Variants in VWA3A observed in about 807,000 individuals in gnomAD.
VWA3A encodes von Willebrand factor A domain-containing protein 3A.
In VWA3A, 134 loss-of-function variants were observed where a neutral mutation model predicts 160.4. The observed-to-expected ratio is 0.84, with a 90% CI of 0.73 to 0.96. VWA3A has a LOEUF of 0.96. Among genes scored for constraint, VWA3A ranks in the 40% least tolerant of loss-of-function variants. The pLI, the probability that VWA3A is intolerant of heterozygous loss-of-function variation, is 0.00. For missense variants in VWA3A, 1,310 were observed against 1,447.9 expected, an observed-to-expected ratio of 0.90 and a Z score of 1.55; for synonymous variants, 476 against 543.4, an observed-to-expected ratio of 0.88 and a Z score of 1.72.
At chr16:22,144,482 G>C (rs2046212901) in intron 26 of VWA3A, 98 bp downstream of exon 26, 1 of 1,484,652 alleles carries the variant, frequency 6.7e-7, no homozygotes, top group Non-Finnish European at 9.0e-7. Flanking sequence ...ATTTCTGCTT[G>C]TAGGAACTGC....
chr16:22,126,904 G>A (rs1016094837), intron 17 of VWA3A, among the ~76,000 whole-genome samples: 4 of 149,764 alleles, frequency 2.7e-5, no homozygotes, highest in Admixed American at 1.3e-4. Context: ...TATATAAATG[G>A]TATGCAATTT....
rs530689362 is a variant in VWA3A, at chr16:22,116,230, GAGAAA to G, written c.816-528_816-524del. The G allele has an allele frequency of 1.5e-3, 571 of 374,384 alleles. 9 individuals carry two copies. The highest frequency in any genetic ancestry group is 0.011 in the South Asian group (561 of 50,732). The allele number at this position is 374,384 out of a possible 1,614,324, so 23.2% of individuals were successfully genotyped here. ...GAAAGAAGGAAGAGAAGGAAGGAAA[GAGAAA>G]GGAAAGAAGGAAAGATGGAAGAGAG... is the stretch of plus-strand genomic sequence containing the variant. On this transcript the variant is annotated intron_variant, in intron 9 of 33. Transcript: ENST00000389398.
At chr16:22,133,952 T>C (rs1186875365) in intron 20 of VWA3A, among the ~76,000 whole-genome samples, 1 of 152,120 alleles carries the variant, frequency 6.6e-6, no homozygotes, top group Admixed American at 6.5e-5. Flanking sequence ...AAGATAGTTG[T>C]ACATGGTACA....
Position 22,115,385 on chromosome 16 carries a change from C to T in VWA3A, c.728C>T (p.Pro243Leu). ...AAGCTCTGGGTAAAGACGCTGCAGC[C>T]TGATGGAGGCAGCAACCTGCTACAA... ...ELKLWVKTLQPDGGSNLLQAL... is the reference protein window; with the variant it reads ...ELKLWVKTLQLDGGSNLLQAL... The change falls in exon 9 of 34, where the codon CCT (proline) becomes CTT (leucine). Residue 243 changes from proline (P) to leucine (L), a missense_variant. Coordinates refer to ENST00000389398, the MANE Select transcript of VWA3A (RefSeq NM_173615.5). 1 of 1,601,636 alleles carries T rather than the reference C, an allele frequency of 6.2e-7. No individual in the cohort carries two copies. The highest frequency in any genetic ancestry group is 2.2e-5 in the East Asian group (1 of 44,550).
At position 22,115,887 on chromosome 16, in the gene VWA3A, AAGG is replaced by A. The variant is rs2045625963; in HGVS notation, c.815+417_815+419del. 1.2e-3 allele frequency among the ~76,000 whole-genome samples: 40 copies of A among 32,024 alleles called. 1 individual carries two copies. Among genetic ancestry groups the A allele is most frequent in the South Asian group, 9.9e-3 (3 of 302 alleles). 21.0% of individuals were successfully genotyped at this position (32,024 alleles called of 152,430 possible). On this transcript the variant is annotated intron_variant, in intron 9 of 33. Coordinates refer to ENST00000389398, the MANE Select transcript of VWA3A (RefSeq NM_173615.5). ...GAAGGAAGGAAGGAAGGAAGGAAGG[AAGG>A]AAGGAAGGAAGGAAGGAAGGAAGGA... is the stretch of plus-strand genomic sequence containing the variant.
At chr16:22,109,849 G>A (rs1259400303) in intron 7 of VWA3A, among the ~76,000 whole-genome samples, 2 of 152,178 alleles carry the variant, frequency 1.3e-5, no homozygotes, top group Non-Finnish European at 2.9e-5. Flanking sequence ...GAGCTCCCAC[G>A]TTTCCCTGGA....
chr16:22,136,856 C>G (rs1002336308), intron 21 of VWA3A, among the ~76,000 whole-genome samples: 10 of 150,042 alleles, frequency 6.7e-5, no homozygotes, highest in African/African-American at 2.5e-4. Flanking sequence ...CATGGTGAAA[C>G]CCCGTCTCTA....
intron 24 of VWA3A, among the ~76,000 whole-genome samples, chr16:22,142,207 G>A (rs1007331503): frequency 1.3e-5 from 2 of 152,198 alleles, no homozygotes; most frequent in African/African-American, 2.4e-5. Context: ...GAGATTCAGG[G>A]GGAGGGAAGA....
chr16:22,106,871 G>T (rs991998280), intron 6 of VWA3A, among the ~76,000 whole-genome samples: 14 of 152,178 alleles, frequency 9.2e-5, no homozygotes, highest in African/African-American at 3.4e-4. Context: ...ATGGCTGGAA[G>T]GTAGGACCAG....
intron 8 of VWA3A, among the ~76,000 whole-genome samples, chr16:22,111,862 C>T (rs1056964897): frequency 6.6e-6 from 1 of 152,186 alleles, no homozygotes; most frequent in African/African-American, 2.4e-5. Flanking sequence ...AGTGCTCTTC[C>T]AGTCTTGGCC....
intron 1 of VWA3A, among the ~76,000 whole-genome samples, chr16:22,095,105 A>T (rs1190710332): frequency 2.0e-5 from 3 of 152,196 alleles, no homozygotes; most frequent in Admixed American, 1.3e-4. Flanking sequence ...CACAAATTTT[A>T]AAAAATCCCT....
intron 24 of VWA3A, among the ~76,000 whole-genome samples, chr16:22,142,375 C>T (rs942184654): frequency 2.0e-5 from 3 of 151,924 alleles, no homozygotes; most frequent in Non-Finnish European, 2.9e-5. Context: ...TGGTGGAAGG[C>T]GCTGGGGAGC....
intron 8 of VWA3A, 65 bp downstream of exon 8, chr16:22,111,059 C>A: frequency 7.2e-7 from 1 of 1,390,570 alleles, no homozygotes; most frequent in Non-Finnish European, 9.8e-7. Flanking sequence ...CCAGCAGAGT[C>A]TTTATTGAAT....
chr16:22,147,614 C>G, intron 27 of VWA3A: 1 of 703,270 alleles, frequency 1.4e-6, no homozygotes, highest in Non-Finnish European at 2.6e-6. Flanking sequence ...AGTCCATGGA[C>G]AGGGGCGTCA....
At chr16:22,133,179 T>C in intron 20 of VWA3A, 84 bp downstream of exon 20, 1 of 1,417,874 alleles carries the variant, frequency 7.1e-7, no homozygotes, top group Non-Finnish European at 9.5e-7. Context: ...CACAGATGTA[T>C]TCCAGAAAAG....
Position 22,156,187 on chromosome 16 carries a change from T to C in VWA3A, c.*170T>C. 2.2e-6 allele frequency: 1 copy of C among 463,078 alleles called. No homozygotes were observed. The highest frequency in any genetic ancestry group is 3.9e-6 in the Non-Finnish European group (1 of 257,242). 28.7% of individuals were successfully genotyped at this position (463,078 alleles called of 1,614,324 possible). A position where few individuals can be genotyped will look rare whatever the true frequency, so the allele number is the denominator to read the frequency against. On this transcript the variant is annotated 3_prime_UTR_variant, in exon 34 of 34. Transcript: ENST00000389398. Reference sequence around the variant, plus strand: ...ACTTTGTCTTTTGTGTGAGGGGCCATTCCCGGGTCTTAATCTAACTCTCCA... The same window carrying C: ...ACTTTGTCTTTTGTGTGAGGGGCCACTCCCGGGTCTTAATCTAACTCTCCA...
chr16:22,131,732 G>T lies in VWA3A; in HGVS notation c.1872+3G>T. ...GGGGCATCCCCGACCAGGACATGGT[G>T]GGTAGGCCACGTCCTGGGTGTCCAT... On this transcript the variant is annotated splice_donor_region_variant and intron_variant, in intron 19 of 33. Coordinates refer to ENST00000389398, the MANE Select transcript of VWA3A (RefSeq NM_173615.5). 6.2e-7 allele frequency: 1 copy of T among 1,612,302 alleles called. No individual in the cohort carries two copies. The highest frequency in any genetic ancestry group is 1.1e-5 in the South Asian group (1 of 90,814).
chr16:22,126,363 G>C, intron 17 of VWA3A, 66 bp downstream of exon 17: 1 of 1,574,606 alleles, frequency 6.4e-7, no homozygotes, highest in Non-Finnish European at 8.6e-7. Context: ...TCATTGGGCT[G>C]AGGCTTTGGA....
chr16:22,092,790 C>G, intron 1 of VWA3A, 139 bp downstream of exon 1: 2 of 1,122,814 alleles, frequency 1.8e-6, no homozygotes, highest in Non-Finnish European at 2.5e-6. Flanking sequence ...GAGCATTGGG[C>G]TAAATGCTGG....
Sources: allele counts gnomAD v4.1 joint callset (sites outside exome capture counted in the v4.1 genomes callset), GRCh38; gene constraint gnomAD v4.1.1; transcripts MANE v1.5; gene names NCBI Gene and HGNC (gene_info 2026-07-23, HGNC 2026-07-21).